Variants in MAK observed in about 807,000 individuals in gnomAD.
The protein encoded by MAK is male germ cell associated kinase, also known as serine/threonine-protein kinase MAK.
MAK carries 65 observed loss-of-function variants against 82.6 expected under a neutral mutation model. That is an observed-to-expected ratio of 0.79 (90% CI 0.64 to 0.97). The LOEUF (loss-of-function observed/expected upper bound fraction) is 0.97. Among genes scored for constraint, MAK ranks in the 50% least tolerant of loss-of-function variants. The pLI, the probability that MAK is intolerant of heterozygous loss-of-function variation, is 0.00. For synonymous variants in MAK, 250 were observed against 274.2 expected, an observed-to-expected ratio of 0.91 and a Z score of 0.87; for missense variants, 703 against 780.2, an observed-to-expected ratio of 0.90 and a Z score of 1.18.
Position 10,770,249 on chromosome 6 carries a change from GT to G in MAK, c.1673-20del. 6.2e-7 allele frequency: 1 copy of G among 1,613,484 alleles called. No individual in the cohort carries two copies. The highest frequency in any genetic ancestry group is 8.5e-7 in the Non-Finnish European group (1 of 1,179,884). Reference sequence around the variant, plus strand: ...AGATTTCCTAGTGACATATCATAAAGTTTCACAGTCAGAAGGTGAATATTTT... The same window carrying G: ...AGATTTCCTAGTGACATATCATAAAGTTCACAGTCAGAAGGTGAATATTTT... On this transcript the variant is annotated intron_variant, in intron 13 of 14. Coordinates refer to ENST00000354489, the MANE Select transcript of MAK (RefSeq NM_001242957.3).
intron 6 of MAK, 41 bp downstream of exon 6, chr6:10,808,769 A>G: frequency 1.2e-6 from 2 of 1,603,322 alleles, no homozygotes; most frequent in Non-Finnish European, 8.5e-7. Context: ...AAATTTCACC[A>G]TAGGCTTATG....
intron 2 of MAK, chr6:10,829,285 A>G (rs972589806): frequency 4.6e-5 from 7 of 152,236 alleles, no homozygotes; most frequent in African/African-American, 1.4e-4. Flanking sequence ...CAACAATTCT[A>G]TTTCATAAGT....
At chr6:10,775,244 G>T in intron 12 of MAK, 84 bp downstream of exon 12, 1 of 1,503,150 alleles carries the variant, frequency 6.7e-7, no homozygotes, top group Non-Finnish European at 9.2e-7. Flanking sequence ...ATGTATCTTG[G>T]TTGGAAGAGC....
Position 10,800,075 on chromosome 6 carries a change from C to A in MAK, c.831+1817G>T, listed in dbSNP as rs1214278422. 6.7e-6 allele frequency among the ~76,000 whole-genome samples: 1 copy of A among 149,434 alleles called. No homozygotes were observed. Among genetic ancestry groups the A allele is most frequent in the Non-Finnish European group, 1.5e-5 (1 of 67,362 alleles). Reference sequence around the variant, plus strand: ...AAACAAAAACAAAAACAAAAAAAAACTAAACAAAAAAACCCCTCTGGTCTC... The same window carrying A: ...AAACAAAAACAAAAACAAAAAAAAAATAAACAAAAAAACCCCTCTGGTCTC... On this transcript the variant is annotated intron_variant, in intron 8 of 14. Coordinates refer to ENST00000354489, the MANE Select transcript of MAK (RefSeq NM_001242957.3). This position sits in a 1 kb window ranked among gnomAD's most constrained non-coding sequence, Gnocchi z 4.2.
At chr6:10,817,170 TCAA>T (rs754998425) in intron 4 of MAK, among the ~76,000 whole-genome samples, 2 of 148,880 alleles carry the variant, frequency 1.3e-5, no homozygotes, top group Non-Finnish European at 3.0e-5. Flanking sequence ...CAAAGAGAAA[TCAA>T]CATCATTACT....
Position 10,773,177 on chromosome 6 carries a change from A to T in MAK, c.1598-69T>A, listed in dbSNP as rs1029103704. ...ATGTTATAGGAAAAGCAGAGAAAAA[A>T]TGGATTAGATGATTAATGAAAAGAT... On this transcript the variant is annotated intron_variant, in intron 12 of 14. Transcript: ENST00000354489. The T allele has an allele frequency of 7.3e-6, 6 of 826,152 alleles. No homozygotes were observed. In the African/African-American group the frequency reaches 8.6e-5, roughly 12 times the overall value. 51.2% of individuals were successfully genotyped at this position (826,152 alleles called of 1,614,324 possible). A position where few individuals can be genotyped will look rare whatever the true frequency, so the allele number is the denominator to read the frequency against.
chr6:10,833,460 C>T (rs1360690719), intron 1 of MAK, among the ~76,000 whole-genome samples: 1 of 152,058 alleles, frequency 6.6e-6, no homozygotes, highest in African/African-American at 2.4e-5. Context: ...CAGAAATTAG[C>T]TGGGTGTGGT....
chr6:10,810,353 T>C (rs974191921), intron 5 of MAK, among the ~76,000 whole-genome samples: 5 of 143,138 alleles, frequency 3.5e-5, no homozygotes, highest in Non-Finnish European at 6.3e-5. Context: ...TTCTTTTTTT[T>C]TTTTTTTTTT....
intron 5 of MAK, among the ~76,000 whole-genome samples, chr6:10,813,134 AAATTTTTTT>A (rs1561987648): frequency 0.011 from 8 of 726 alleles, no homozygotes; most frequent in Admixed American, 0.022. Flanking sequence ...ATATATATAT[AAATTTTTTT>A]TTTTTTTTTT....
intron 14 of MAK, among the ~76,000 whole-genome samples, chr6:10,767,683 G>A (rs1424339230): frequency 6.6e-6 from 1 of 151,918 alleles, no homozygotes; most frequent in African/African-American, 2.4e-5. Context: ...CAGCTACTCC[G>A]GAGGCTGAGG....
intron 7 of MAK, among the ~76,000 whole-genome samples, chr6:10,802,933 T>C (rs920335503): frequency 6.6e-6 from 1 of 151,964 alleles, no homozygotes; most frequent in East Asian, 1.9e-4. Context: ...ATATAGTTAA[T>C]TGAAAAGCAC....
At chr6:10,825,949 C>A (rs929104287) in intron 2 of MAK, among the ~76,000 whole-genome samples, 1 of 152,174 alleles carries the variant, frequency 6.6e-6, no homozygotes, top group Non-Finnish European at 1.5e-5. Context: ...CAGTCTTGAC[C>A]TCTTCAATCG....
In MAK at chr6:10,803,736, A is replaced by G. The variant is rs182178532; in HGVS notation, c.647T>C (p.Leu216Ser). 1.2e-5 allele frequency: 19 copies of G among 1,614,016 alleles called. No individual in the cohort carries two copies. In the Admixed American group the frequency reaches 2.8e-4, roughly 24 times the overall value. ...AGTACTTACTTTTTTGGGAGTCCCTAAAACTTGGCAAATTTTAAAGATTTC... is the reference window on the plus strand; with the variant it reads ...AGTACTTACTTTTTTGGGAGTCCCTGAAACTTGGCAAATTTTAAAGATTTC... ...VDEIFKICQV[L>S]GTPKKSDWPE... is the part of the protein sequence containing the mutation. The change falls in exon 7 of 15, where the codon TTA becomes TCA. Residue 216 changes from leucine to serine, a missense_variant. By Grantham distance (145) the Leu-to-Ser change is moderately radical. Transcript: ENST00000354489.
intron 2 of MAK, among the ~76,000 whole-genome samples, chr6:10,829,963 A>C (rs964349486): frequency 6.6e-6 from 1 of 151,542 alleles, no homozygotes; most frequent in Admixed American, 6.6e-5. Context: ...CAGCCTCCTG[A>C]GTAGCTGGGA....
intron 9 of MAK, among the ~76,000 whole-genome samples, chr6:10,795,552 G>A (rs557432484): frequency 3.0e-4 from 45 of 152,296 alleles, no homozygotes; most frequent in Non-Finnish European, 6.0e-4. Flanking sequence ...AGACCAGCCT[G>A]GACAACATGG....
chr6:10,798,679 A>G (rs1225591898), intron 8 of MAK, among the ~76,000 whole-genome samples: 2 of 152,002 alleles, frequency 1.3e-5, no homozygotes, highest in South Asian at 2.1e-4. Context: ...TATTATTTGT[A>G]TAATAGTATT....
intron 13 of MAK, among the ~76,000 whole-genome samples, chr6:10,772,030 T>G (rs1468122939): frequency 6.6e-6 from 1 of 152,206 alleles, no homozygotes; most frequent in African/African-American, 2.4e-5. Context: ...GGAAATTTCG[T>G]CCGTTTTATG....
chr6:10,814,062 C>T (rs1017627067), intron 4 of MAK, among the ~76,000 whole-genome samples: 6 of 151,964 alleles, frequency 3.9e-5, no homozygotes, highest in African/African-American at 7.2e-5. Context: ...CTCCACCTCC[C>T]GGGTTCAAGT....
chr6:10,784,600 C>T (rs1299146255), intron 10 of MAK, 28 bp from the exon 11 acceptor site: 37 of 1,522,358 alleles, frequency 2.4e-5, no homozygotes, highest in South Asian at 4.6e-5. Context: ...GGTAGCATTA[C>T]AGCACGAACA....
Sources: allele counts gnomAD v4.1 joint callset (sites outside exome capture counted in the v4.1 genomes callset), GRCh38; gene constraint gnomAD v4.1.1; non-coding constraint Gnocchi (gnomAD v3.1); transcripts MANE v1.5; gene names NCBI Gene and HGNC (gene_info 2026-07-23, HGNC 2026-07-21).